The following CTNND2 variants were observed in gnomAD, a reference collection of about 807,000 sequenced individuals.
CTNND2 encodes the protein catenin delta 2.
CTNND2 carries 22 observed loss-of-function variants against 144.4 expected under a neutral mutation model. The observed-to-expected ratio is 0.15, with a 90% CI of 0.11 to 0.22. CTNND2 has a LOEUF of 0.22. CTNND2 is among the 10% of genes least tolerant of loss of function. The pLI, the probability that CTNND2 is intolerant of heterozygous loss-of-function variation, is 1.00. For missense variants in CTNND2, 1,353 were observed against 1,618.8 expected (o/e 0.84, Z 2.82); for synonymous variants, 751 against 695.6 (o/e 1.08, Z -1.25).
At chr5:11,834,984 CA>C (rs10713055) in intron 1 of CTNND2, among the ~76,000 whole-genome samples, 4,488 of 152,114 alleles carry the variant, frequency 0.03, 236 homozygotes, top group African/African-American at 0.1. Context: ...ACAAAAAATA[CA>C]AAAATCAGCC....
intron 12 of CTNND2, among the ~76,000 whole-genome samples, chr5:11,124,541 T>C (rs1404561502): frequency 1.3e-5 from 2 of 152,234 alleles, no homozygotes; most frequent in East Asian, 1.9e-4. Context: ...AAACTCTCTG[T>C]AAAGGATCAG....
At position 11,689,142 on chromosome 5, in the gene CTNND2, C is replaced by A. The variant is rs527278490; in HGVS notation, c.174+42994G>T. On this transcript the variant is annotated intron_variant, in intron 2 of 21. Transcript: ENST00000304623. ...TATGGAGCATAGGGCAGCTGTAGCA[C>A]CAATCCAAAACTAACCAGCACTGTA... Among the ~76,000 whole-genome samples the A allele has an allele frequency of 4.6e-5, 7 of 152,282 alleles. No individual in the cohort carries two copies. In the East Asian group the frequency reaches 1.4e-3, roughly 29 times the overall value.
At chr5:11,886,587 A>C (rs1276227709) in intron 1 of CTNND2, among the ~76,000 whole-genome samples, 1 of 152,214 alleles carries the variant, frequency 6.6e-6, no homozygotes, top group Non-Finnish European at 1.5e-5. Flanking sequence ...TAGACTGAAA[A>C]AAAAAGTATG....
chr5:11,652,394 T>C (rs1189930124), intron 2 of CTNND2, among the ~76,000 whole-genome samples: 1 of 152,182 alleles, frequency 6.6e-6, no homozygotes, highest in Non-Finnish European at 1.5e-5. Context: ...CTTTTTGTTA[T>C]ATAAATAACT....
chr5:11,881,800 T>G (rs539127555), intron 1 of CTNND2, among the ~76,000 whole-genome samples: 12 of 152,236 alleles, frequency 7.9e-5, no homozygotes, highest in African/African-American at 2.9e-4. Context: ...TGTAGTTTTT[T>G]GAAGAACTGC....
intron 16 of CTNND2, among the ~76,000 whole-genome samples, chr5:11,031,881 C>T (rs150944627): frequency 1.8e-4 from 28 of 152,330 alleles, no homozygotes; most frequent in East Asian, 9.6e-4. Flanking sequence ...TTTGGGCCTT[C>T]GGCCACAGAC....
Position 11,566,676 on chromosome 5 carries a change from T to A in CTNND2, c.175-1620A>T, listed in dbSNP as rs529312080. Among the ~76,000 whole-genome samples, 68 of 152,334 alleles carry A rather than the reference T, an allele frequency of 4.5e-4. 1 individual carries two copies. Among genetic ancestry groups the A allele is most frequent in the African/African-American group, 1.5e-3 (63 of 41,582 alleles). On this transcript the variant is annotated intron_variant, in intron 2 of 21. Coordinates refer to ENST00000304623, the MANE Select transcript of CTNND2 (RefSeq NM_001332.4). ...TTTCCTGTGTTACCGAAGTTCAACA[T>A]GGTGAAACAGTGCAGTATTTGGAGT...
chr5:11,611,913 C>A (rs868479179), intron 2 of CTNND2, among the ~76,000 whole-genome samples: 19 of 152,212 alleles, frequency 1.2e-4, no homozygotes, highest in African/African-American at 4.6e-4. Context: ...CCAGCTCCCT[C>A]CAGACTCTGA....
At chr5:11,227,363 A>G (rs371842647) in intron 10 of CTNND2, among the ~76,000 whole-genome samples, 86 of 152,316 alleles carry the variant, frequency 5.6e-4, no homozygotes, top group African/African-American at 1.9e-3. Flanking sequence ...ATGGAGCTAG[A>G]AAGTAGTACA....
intron 16 of CTNND2, among the ~76,000 whole-genome samples, chr5:11,030,754 G>GTTTTTTTTTTTTTTTTTTTTTTTT (rs61312361): frequency 1.3e-4 from 13 of 100,750 alleles, no homozygotes; most frequent in Admixed American, 2.9e-4. Context: ...TATGGTTTCT[G>GTTTTTTTTTTTTTTTTTTTTTTTT]TTTTTTTTTT....
intron 9 of CTNND2, among the ~76,000 whole-genome samples, chr5:11,251,547 T>C (rs1270627201): frequency 6.6e-6 from 1 of 152,190 alleles, no homozygotes; most frequent in Non-Finnish European, 1.5e-5. Context: ...GATACCGTAT[T>C]TATCTTGAAA....
intron 3 of CTNND2, among the ~76,000 whole-genome samples, chr5:11,449,342 T>C (rs1765106317): frequency 1.3e-5 from 2 of 152,240 alleles, no homozygotes; most frequent in South Asian, 2.1e-4. Flanking sequence ...AGTGAATTCA[T>C]GGTAGAATTC....
intron 3 of CTNND2, among the ~76,000 whole-genome samples, chr5:11,551,249 T>G (rs1245961997): frequency 6.6e-6 from 1 of 152,064 alleles, no homozygotes. Flanking sequence ...TAGCAGTTTG[T>G]CTTTTGACTG....
chr5:11,893,051 G>A (rs553403729), intron 1 of CTNND2, among the ~76,000 whole-genome samples: 7 of 152,266 alleles, frequency 4.6e-5, no homozygotes, highest in South Asian at 4.2e-4. Flanking sequence ...GCTCTGCACC[G>A]CCTGCCATTC....
At chr5:11,377,809 C>A (rs1758087556) in intron 7 of CTNND2, among the ~76,000 whole-genome samples, 1 of 152,172 alleles carries the variant, frequency 6.6e-6, no homozygotes, top group Non-Finnish European at 1.5e-5. Context: ...ACTGTTCCCA[C>A]TTCAGTTTGA....
At chr5:11,575,235 A>C (rs756122682) in intron 2 of CTNND2, among the ~76,000 whole-genome samples, 13 of 152,126 alleles carry the variant, frequency 8.5e-5, no homozygotes, top group African/African-American at 1.2e-4. Flanking sequence ...CTTCTCATCT[A>C]CCATAGAGTG....
intron 2 of CTNND2, among the ~76,000 whole-genome samples, chr5:11,589,491 A>C (rs1402448217): frequency 6.6e-6 from 1 of 152,192 alleles, no homozygotes; most frequent in Non-Finnish European, 1.5e-5. Flanking sequence ...AGTTTATTCA[A>C]ATTATTTGGT....
intron 20 of CTNND2, among the ~76,000 whole-genome samples, chr5:10,982,486 G>A (rs932842352): frequency 6.6e-6 from 1 of 152,238 alleles, no homozygotes; most frequent in African/African-American, 2.4e-5. Context: ...AAGGCCCAGA[G>A]AGGGGGCCTA....
chr5:11,062,924 T>G (rs1747160756), intron 16 of CTNND2, among the ~76,000 whole-genome samples: 1 of 152,228 alleles, frequency 6.6e-6, no homozygotes, highest in Admixed American at 6.5e-5. Context: ...TATTGCTTAA[T>G]GCCAGTGTCT....
Sources: gnomAD v4.1 joint callset for allele counts (sites outside exome capture counted in the v4.1 genomes callset) on GRCh38, gnomAD v4.1.1 for gene constraint, MANE v1.5 for transcripts, NCBI Gene and HGNC (gene_info 2026-07-23, HGNC 2026-07-21) for gene names.